CDH26: variants seen among roughly 807,000 people sequenced by gnomAD.
CDH26 encodes the protein cadherin-like protein 26.
Under a neutral mutation model 90.3 loss-of-function variants are expected in CDH26, and 83 were observed. The observed-to-expected ratio is 0.92, with a 90% CI of 0.77 to 1.10. The LOEUF is 1.10. CDH26 is among the 50% of genes least tolerant of loss of function. The probability of loss-of-function intolerance (pLI) is 0.00; values close to 1 mark genes in which losing one functional copy is unlikely to be tolerated. For synonymous variants in CDH26, 397 were observed against 396.3 expected (o/e 1.00, Z -0.02); for missense variants, 1,013 against 1,037.6 (o/e 0.98, Z 0.33).
intron 7 of CDH26, among the ~76,000 whole-genome samples, chr20:60,023,671 G>A (rs1309614767): frequency 6.6e-6 from 1 of 152,184 alleles, no homozygotes; most frequent in Non-Finnish European, 1.5e-5. Flanking sequence ...AGAATGAAAG[G>A]AAACACAGTG....
Position 60,028,668 on chromosome 20 carries a change from C to T in CDH26, c.948-2563C>T, listed in dbSNP as rs754780441. Among the ~76,000 whole-genome samples, 9 of 152,130 alleles carry T rather than the reference C, an allele frequency of 5.9e-5. No individual in the cohort carries two copies. The East Asian group carries it at 1.3e-3, about 23-fold the overall frequency. On this transcript the variant is annotated intron_variant, in intron 7 of 8. Coordinates refer to the CDH26 transcript ENST00000370991. ...GCTGCAGCCTGGCCTGTGAGGATAG[C>T]GTGTCTTAGGCTGACATGGCAAGTG...
chr20:59,970,509 T>C (rs2061245461), intron 3 of CDH26, among the ~76,000 whole-genome samples: 1 of 151,626 alleles, frequency 6.6e-6, no homozygotes, highest in African/African-American at 2.4e-5. Context: ...TAAATATTAT[T>C]TAAAAACAGG....
At position 59,971,631 on chromosome 20, in the gene CDH26, T is replaced by C. The variant is rs117965491; in HGVS notation, c.232-331T>C. On this transcript the variant is annotated intron_variant, in intron 3 of 17. Transcript: ENST00000348616. ...CTTGCCTTTCTTGTTTAGTGATGTG[T>C]CCTGCTAGTCATTCCGTGGCAGTGT... Among the ~76,000 whole-genome samples, 238 of 152,368 alleles carry C rather than the reference T, an allele frequency of 1.6e-3. 1 individual carries two copies. Among genetic ancestry groups the C allele is most frequent in the Non-Finnish European group, 2.6e-3 (178 of 68,044 alleles).
In CDH26 at chr20:59,999,652, C is replaced by CA; in HGVS notation, c.2087dup (p.Val698SerfsTer2). ...CTGCACAGCTGCAGCAGGACCCACG[C>CA]AGGGAGTTAAGGTAACATGCCCCTT... On this transcript the variant is annotated frameshift_variant, in exon 14 of 18. Coordinates refer to ENST00000348616, the MANE Select transcript of CDH26 (RefSeq NM_177980.4). LOFTEE classifies it high-confidence loss of function. 1 of 1,614,100 alleles carries CA rather than the reference C, an allele frequency of 6.2e-7. No homozygotes were observed. The highest frequency in any genetic ancestry group is 8.5e-7 in the Non-Finnish European group (1 of 1,179,964).
rs143651384 is a variant in CDH26 at position 59,970,089 on chromosome 20, T to A, written c.134T>A (p.Ile45Asn). 1.0e-4 allele frequency: 169 copies of A among 1,612,650 alleles called. 1 individual carries two copies. The African/African-American group carries it at 2.0e-3, about 19-fold the overall frequency. ...TGTCACTATAAGTTCCAGGAAAAGATCTACCAGCCTCTACGGCGATCCAAG... is the reference window on the plus strand; with the variant it reads ...TGTCACTATAAGTTCCAGGAAAAGAACTACCAGCCTCTACGGCGATCCAAG... ...DDLTKQTKEK[I>N]YQPLRRSKRR... The change falls in exon 3 of 18, where the codon ATC (isoleucine) becomes AAC (asparagine). Residue 45 changes from isoleucine to asparagine, a missense_variant. Transcript: ENST00000348616.
intron 7 of CDH26, among the ~76,000 whole-genome samples, chr20:60,027,812 T>G (rs558474331): frequency 5.9e-5 from 9 of 152,360 alleles, no homozygotes; most frequent in Non-Finnish European, 8.8e-5. Context: ...TTGATTTTAT[T>G]TAATTTTAAA....
intron 5 of CDH26, among the ~76,000 whole-genome samples, chr20:59,983,436 T>G (rs1338394340): frequency 6.6e-6 from 1 of 152,226 alleles, no homozygotes; most frequent in African/African-American, 2.4e-5. Context: ...TTACAGATAC[T>G]GTGCATTCTT....
chr20:60,000,653 G>T (rs116993538), intron 14 of CDH26, among the ~76,000 whole-genome samples: 2 of 152,178 alleles, frequency 1.3e-5, no homozygotes, highest in South Asian at 4.1e-4. Context: ...TGTGGTAGGG[G>T]CAATCTTGCT....
At chr20:60,006,980 G>T (rs2061762629) in intron 17 of CDH26, among the ~76,000 whole-genome samples, 193 bp downstream of exon 17, 1 of 152,186 alleles carries the variant, frequency 6.6e-6, no homozygotes, top group South Asian at 2.1e-4. Context: ...CAGGCTAGAA[G>T]TCCAAGGTCA....
chr20:59,960,394 AACAC>A (rs111336064), intron 1 of CDH26, among the ~76,000 whole-genome samples: 14 of 148,598 alleles, frequency 9.4e-5, no homozygotes, highest in South Asian at 2.1e-4. Flanking sequence ...CTTATGTTAA[AACAC>A]ACACACACAC....
At chr20:59,979,722 G>A (rs2145981642) in intron 4 of CDH26, among the ~76,000 whole-genome samples, 1 of 144,114 alleles carries the variant, frequency 6.9e-6, no homozygotes, top group Non-Finnish European at 1.5e-5. Flanking sequence ...GGCCTCCTGG[G>A]TTCAAGCGAT....
intron 4 of CDH26, among the ~76,000 whole-genome samples, chr20:59,982,125 C>T (rs2061402036): frequency 6.6e-6 from 1 of 152,108 alleles, no homozygotes; most frequent in Non-Finnish European, 1.5e-5. Flanking sequence ...CTTTCATTCT[C>T]GTTATTGATA....
At chr20:59,962,221 G>T (rs182618327) in intron 1 of CDH26, among the ~76,000 whole-genome samples, 1 of 152,332 alleles carries the variant, frequency 6.6e-6, no homozygotes, top group Admixed American at 6.5e-5. Flanking sequence ...TCTGTGCAGA[G>T]AATGTGTTAG....
At chr20:60,001,209 T>C (rs2061672647) in intron 14 of CDH26, 134 bp from the exon 15 acceptor site, 1 of 1,052,422 alleles carries the variant, frequency 9.5e-7, no homozygotes, top group East Asian at 2.5e-5. Context: ...GCGCCCTCCC[T>C]CTCATCGTGT....
At chr20:60,029,327 G>A (rs893266868) in intron 7 of CDH26, among the ~76,000 whole-genome samples, 2 of 152,064 alleles carry the variant, frequency 1.3e-5, no homozygotes, top group East Asian at 3.8e-4. Context: ...CAACAACATA[G>A]CACCTATAGT....
chr20:59,973,770 A>G (rs1374255806), intron 4 of CDH26, among the ~76,000 whole-genome samples: 2 of 152,194 alleles, frequency 1.3e-5, no homozygotes, highest in Admixed American at 6.5e-5. Flanking sequence ...TACATGTACC[A>G]TATTTGCTTT....
Position 59,985,054 on chromosome 20 carries a change from A to G in CDH26, c.762A>G (p.Ser254=). ...GAGCCAGGGACTGTGGAGAACCGTC[A>G]CTGTCATCCACGACCACCGTTCACG... is the stretch of plus-strand genomic sequence containing the variant. The part of the protein sequence containing the change: ...LIRARDCGEP[S]LSSTTTVHVD... The change falls in exon 7 of 18, where the codon TCA becomes TCG. Residue 254 remains serine (S), a synonymous_variant. Coordinates refer to ENST00000348616, the MANE Select transcript of CDH26 (RefSeq NM_177980.4). 1 of 1,614,066 alleles carries G rather than the reference A, an allele frequency of 6.2e-7. No individual in the cohort carries two copies. Among genetic ancestry groups the G allele is most frequent in the Non-Finnish European group, 8.5e-7 (1 of 1,179,962 alleles).
chr20:59,987,733 G>A (rs991788551), intron 8 of CDH26, 95 bp downstream of exon 8: 10 of 1,161,694 alleles, frequency 8.6e-6, no homozygotes, highest in South Asian at 3.1e-5. Flanking sequence ...GCTAACGTCC[G>A]TGGATGCTGG....
chr20:60,024,687 T>G (rs939531807), intron 7 of CDH26, among the ~76,000 whole-genome samples: 2 of 152,200 alleles, frequency 1.3e-5, no homozygotes, highest in Non-Finnish European at 2.9e-5. Flanking sequence ...GAAGAAAGGC[T>G]CACACAGGTC....
Sources: gnomAD v4.1 joint callset for allele counts (sites outside exome capture counted in the v4.1 genomes callset) on GRCh38, gnomAD v4.1.1 for gene constraint, MANE v1.5 for transcripts, NCBI Gene and HGNC (gene_info 2026-07-23, HGNC 2026-07-21) for gene names.